PDS5B: variants seen among roughly 807,000 people sequenced by gnomAD.
PDS5B encodes PDS5 cohesin associated factor B.
PDS5B carries 51 observed loss-of-function variants against 184.1 expected under a neutral mutation model. The ratio of observed to expected loss-of-function variants is 0.28; its 90% confidence interval spans 0.22 to 0.35. PDS5B has a LOEUF of 0.35. Among genes scored for constraint, PDS5B ranks in the 10% least tolerant of loss-of-function variants. PDS5B has a pLI of 1.00. For synonymous variants in PDS5B, 566 were observed against 569.2 expected (o/e 0.99, Z 0.08); for missense variants, 1,180 against 1,723.3 (o/e 0.68, Z 5.58).
At chr13:32,676,038 A>G in intron 9 of PDS5B, 79 bp downstream of exon 9, 1 of 758,132 alleles carries the variant, frequency 1.3e-6, no homozygotes, top group Non-Finnish European at 2.3e-6. Flanking sequence ...ATCCACATTT[A>G]AACTGTGTTC....
At chr13:32,684,559 A>C (rs1170153460) in intron 11 of PDS5B, among the ~76,000 whole-genome samples, 2 of 152,208 alleles carry the variant, frequency 1.3e-5, no homozygotes, top group African/African-American at 4.8e-5. Context: ...TCCACTCATT[A>C]ATCAGTGAAC....
At chr13:32,593,738 GATCATCGTA>G (rs1566229891) in intron 1 of PDS5B, among the ~76,000 whole-genome samples, 1 of 152,168 alleles carries the variant, frequency 6.6e-6, no homozygotes, top group Non-Finnish European at 1.5e-5. Context: ...AGTGGAAGTG[GATCATCGTA>G]AAGGTCGTCA....
chr13:32,669,148 T>G (rs1351559808), intron 7 of PDS5B, among the ~76,000 whole-genome samples: 1 of 152,136 alleles, frequency 6.6e-6, no homozygotes, highest in East Asian at 1.9e-4. Flanking sequence ...GACCTAGACT[T>G]AAAACATTCT....
intron 24 of PDS5B, among the ~76,000 whole-genome samples, chr13:32,750,085 C>T (rs1013852211): frequency 3.9e-5 from 6 of 152,102 alleles, no homozygotes; most frequent in Non-Finnish European, 8.8e-5. Flanking sequence ...TCTTGAAGTA[C>T]CTATGTGTGT....
In PDS5B at chr13:32,706,922, G is replaced by T. The variant is rs1479585473; in HGVS notation, c.1857-12G>T. On this transcript the variant is annotated splice_polypyrimidine_tract_variant and intron_variant, in intron 17 of 34. Transcript: ENST00000315596. Reference sequence around the variant, plus strand: ...AACATTTGAAAAAATGACTTTTTTGGTCATATTTTAGTGCTCTTATTAAAC... The same window carrying T: ...AACATTTGAAAAAATGACTTTTTTGTTCATATTTTAGTGCTCTTATTAAAC... 1.3e-6 allele frequency: 2 copies of T among 1,557,076 alleles called. No individual in the cohort carries two copies. Among genetic ancestry groups the T allele is most frequent in the South Asian group, 1.2e-5 (1 of 85,682 alleles).
At chr13:32,591,565 A>G (rs2057776458) in intron 1 of PDS5B, among the ~76,000 whole-genome samples, 1 of 152,214 alleles carries the variant, frequency 6.6e-6, no homozygotes. Flanking sequence ...CCTGTTGAGT[A>G]GTACTACGTT....
chr13:32,601,743 A>G (rs1489576648), intron 1 of PDS5B, among the ~76,000 whole-genome samples: 2 of 152,158 alleles, frequency 1.3e-5, no homozygotes, highest in Non-Finnish European at 2.9e-5. Context: ...AGTCCAAAAG[A>G]CCCTTTAGGA....
intron 1 of PDS5B, among the ~76,000 whole-genome samples, chr13:32,630,710 T>G (rs1016994388): frequency 2.0e-5 from 3 of 152,174 alleles, no homozygotes; most frequent in Non-Finnish European, 4.4e-5. Flanking sequence ...TCATCATTCT[T>G]TTTCAGGTTT....
rs771691656 is a variant in PDS5B, at chr13:32,773,267, T to G, written c.4251T>G (p.Ser1417=). ...AAGTAGATGTGTTTCAGGGTAGCTCTCCTGTCGATGATATTCCACAGGAAG... is the reference window on the plus strand; with the variant it reads ...AAGTAGATGTGTTTCAGGGTAGCTCGCCTGTCGATGATATTCCACAGGAAG... ...SEEVDVFQGS[S]PVDDIPQEET... The change falls in exon 34 of 35, where the codon TCT becomes TCG. Residue 1417 remains serine, a synonymous_variant. Transcript: ENST00000315596. 3 of 1,613,062 alleles carry G rather than the reference T, an allele frequency of 1.9e-6. No individual in the cohort carries two copies. Among genetic ancestry groups the G allele is most frequent in the Non-Finnish European group, 2.5e-6 (3 of 1,179,378 alleles).
At chr13:32,711,997 C>T (rs1020094357) in intron 19 of PDS5B, among the ~76,000 whole-genome samples, 16 of 152,104 alleles carry the variant, frequency 1.1e-4, no homozygotes, top group African/African-American at 2.9e-4. Context: ...AGTGACAGAG[C>T]CAGGATTTGA....
intron 1 of PDS5B, among the ~76,000 whole-genome samples, chr13:32,616,119 T>C (rs960906281): frequency 6.6e-6 from 1 of 151,922 alleles, no homozygotes; most frequent in African/African-American, 2.4e-5. Flanking sequence ...AATGGCGCGA[T>C]CTTGGCTCAC....
At position 32,699,811 on chromosome 13, in the gene PDS5B, A is replaced by G. The variant is rs1224355344; in HGVS notation, c.1682A>G (p.Lys561Arg). Residue 561 changes from lysine to arginine, a missense_variant, in exon 16 of 35, where the codon AAG (lysine) becomes AGG (arginine). By Grantham distance (26) the Lys-to-Arg change is conservative. Around this residue, in one of 11 missense-constraint regions of PDS5B, gnomAD observed 475 missense variants for 691.5 expected, o/e 0.69. Transcript: ENST00000315596. ...QVLEDDEKIRKQLEVLVSPTC... is the reference protein window; with the variant it reads ...QVLEDDEKIRRQLEVLVSPTC... ...TTAGAAGATGATGAGAAAATAAGAA[A>G]GCAGTTAGAAGTACTTGTTAGTCCA... The G allele has an allele frequency of 6.3e-7, 1 of 1,583,220 alleles. No homozygotes were observed. Among genetic ancestry groups the G allele is most frequent in the South Asian group, 1.2e-5 (1 of 84,082 alleles).
rs776213668 is a variant in PDS5B at position 32,753,511 on chromosome 13, T to C, written c.2916T>C (p.Tyr972=). The part of the protein sequence containing the change: ...LVKNINVRRE[Y]LKQHAAVSEK... ...AAAATATAAATGTAAGGCGGGAGTA[T>C]CTGAAGCAGCATGCAGCTGTTAGTG... The change falls in exon 25 of 35, where the codon TAT becomes TAC. Residue 972 remains tyrosine, a synonymous_variant. Coordinates refer to ENST00000315596, the MANE Select transcript of PDS5B (RefSeq NM_015032.4). 3 of 1,613,334 alleles carry C rather than the reference T, an allele frequency of 1.9e-6. No homozygotes were observed. The South Asian group carries it at 3.3e-5, about 18-fold the overall frequency.
At chr13:32,658,040 A>T (rs375136037) in intron 3 of PDS5B, among the ~76,000 whole-genome samples, 199 bp from the exon 4 acceptor site, 2 of 152,166 alleles carry the variant, frequency 1.3e-5, no homozygotes, top group Admixed American at 6.5e-5. Context: ...CTGTTTTCCT[A>T]TGAAGGATAG....
chr13:32,766,497 T>C (rs1275911462), intron 31 of PDS5B, among the ~76,000 whole-genome samples: 2 of 152,120 alleles, frequency 1.3e-5, no homozygotes, highest in Non-Finnish European at 2.9e-5. Flanking sequence ...TAGAAGAATC[T>C]TATTAATAAG....
chr13:32,771,764 A>T (rs1284669856), intron 33 of PDS5B, among the ~76,000 whole-genome samples: 3 of 152,090 alleles, frequency 2.0e-5, no homozygotes, highest in Non-Finnish European at 2.9e-5. Context: ...TAAACAAAGG[A>T]TTCTTAAGGA....
In PDS5B at chr13:32,668,014, A is replaced by G. The variant is rs145023889; in HGVS notation, c.705+170A>G. Among the ~76,000 whole-genome samples, 570 of 152,226 alleles carry G rather than the reference A, an allele frequency of 3.7e-3. 2 individuals are homozygous for G. The highest frequency in any genetic ancestry group is 0.017 in the South Asian group (82 of 4,824). On this transcript the variant is annotated intron_variant, in intron 7 of 34. Coordinates refer to ENST00000315596, the MANE Select transcript of PDS5B (RefSeq NM_015032.4). ...TCCTTCTTAAAATTATTCTTGCTTTATATTTTTTGGAAGGCTTGCTCTCAT... is the reference window on the plus strand; with the variant it reads ...TCCTTCTTAAAATTATTCTTGCTTTGTATTTTTTGGAAGGCTTGCTCTCAT...
At chr13:32,747,379 G>A (rs138164496) in intron 24 of PDS5B, among the ~76,000 whole-genome samples, 19 of 151,850 alleles carry the variant, frequency 1.3e-4, no homozygotes, top group Admixed American at 2.0e-4. Context: ...TAACTCTCTA[G>A]ACACAAACAG....
At chr13:32,673,434 A>G (rs1950986481) in intron 8 of PDS5B, 78 bp downstream of exon 8, 1 of 1,224,138 alleles carries the variant, frequency 8.2e-7, no homozygotes. Flanking sequence ...TAATTTTTAC[A>G]GTAGTTTTAA....
Sources: allele counts gnomAD v4.1 joint callset (sites outside exome capture counted in the v4.1 genomes callset), GRCh38; gene constraint gnomAD v4.1.1; regional missense constraint gnomAD v4.1.1; transcripts MANE v1.5; gene names NCBI Gene and HGNC (gene_info 2026-07-23, HGNC 2026-07-21).